HHIPL2: variants seen among roughly 807,000 people sequenced by gnomAD.
HHIPL2 encodes HHIP-like protein 2.
A neutral mutation model predicts 61.0 loss-of-function variants in HHIPL2; 61 were observed. That is an observed-to-expected ratio of 1.00 (90% CI 0.81 to 1.24). The LOEUF is 1.24. HHIPL2 is among the 50% of genes most tolerant of loss of function. HHIPL2 has a pLI of 0.00. For synonymous variants in HHIPL2, 343 were observed against 357.4 expected, an observed-to-expected ratio of 0.96 and a Z score of 0.45; for missense variants, 885 against 910.2, an observed-to-expected ratio of 0.97 and a Z score of 0.36.
chr1:222,544,174 C>T lies in HHIPL2; in HGVS notation c.337G>A (p.Ala113Thr), dbSNP rs529226554. 5 of 1,612,172 alleles carry T rather than the reference C, an allele frequency of 3.1e-6. No individual in the cohort carries two copies. The African/African-American group carries it at 5.3e-5, about 17-fold the overall frequency. The change falls in exon 2 of 9, where the codon GCA (alanine) becomes ACA (threonine). Residue 113 changes from alanine to threonine, a missense_variant. Physicochemically the swap from Ala to Thr is moderately conservative, Grantham distance 58. Coordinates refer to ENST00000343410, the MANE Select transcript of HHIPL2 (RefSeq NM_024746.4). ...TTTTCGGCGTCGTAGAGGTGGGCTG[C>T]GTAGGGCGAGCACTCCTAAAAAAGA... ...DILCQECSPY[A>T]AHLYDAENTQ...
At chr1:222,534,584 A>ATT (rs534190296) in intron 5 of HHIPL2, among the ~76,000 whole-genome samples, 1 of 147,080 alleles carries the variant, frequency 6.8e-6, no homozygotes, top group Non-Finnish European at 1.5e-5. Flanking sequence ...CTCTAAAAAA[A>ATT]AAAAAAAAAA....
intron 6 of HHIPL2, among the ~76,000 whole-genome samples, chr1:222,530,180 T>C (rs140187721): frequency 3.5e-4 from 53 of 152,120 alleles, no homozygotes; most frequent in Non-Finnish European, 5.9e-4. Context: ...TTTTTTATGC[T>C]GTCTGTTTTC....
At position 222,542,032 on chromosome 1, in the gene HHIPL2, C is replaced by T. The variant is rs1227634893; in HGVS notation, c.1098G>A (p.Leu366=). The T allele has an allele frequency of 1.2e-6, 2 of 1,612,706 alleles. No homozygotes were observed. Among genetic ancestry groups the T allele is most frequent in the Admixed American group, 1.7e-5 (1 of 59,578 alleles). The stretch of plus-strand genomic sequence containing the variant: ...CTTACTTGTTCTGAGCATTTCCAAA[C>T]AGGCCAAAGGGATCTCCAGCCTGTC... ...DGGQAGDPFG[L]FGNAQNKSSL... is the part of the protein sequence containing the mutation. The change falls in exon 3 of 9, where the codon CTG becomes CTA. Residue 366 remains leucine, a synonymous_variant. Coordinates refer to ENST00000343410, the MANE Select transcript of HHIPL2 (RefSeq NM_024746.4).
Position 222,544,113 on chromosome 1 carries a change from C to G in HHIPL2, c.398G>C (p.Cys133Ser), listed in dbSNP as rs374728664. The change falls in exon 2 of 9, where the codon TGC (cysteine) becomes TCC (serine). Residue 133 changes from cysteine to serine, a missense_variant. Coordinates refer to ENST00000343410, the MANE Select transcript of HHIPL2 (RefSeq NM_024746.4). Reference sequence around the variant, plus strand: ...ATGGAAGGCAGAGCAGTAATCAGAGCAGAGGCCCGGGAGATTCCGGAGAGG... The same window carrying G: ...ATGGAAGGCAGAGCAGTAATCAGAGGAGAGGCCCGGGAGATTCCGGAGAGG... ...QTPLRNLPGLCSDYCSAFHSN... is the reference protein window; with the variant it reads ...QTPLRNLPGLSSDYCSAFHSN... 3.7e-5 allele frequency: 59 copies of G among 1,613,950 alleles called. No homozygotes were observed. Among genetic ancestry groups the G allele is most frequent in the Non-Finnish European group, 4.3e-5 (51 of 1,180,046 alleles).
At chr1:222,529,661 T>A (rs1038246959) in intron 6 of HHIPL2, among the ~76,000 whole-genome samples, 1 of 152,216 alleles carries the variant, frequency 6.6e-6, no homozygotes, top group Non-Finnish European at 1.5e-5. Flanking sequence ...CAAAAATGCA[T>A]GCTATACAAA....
intron 3 of HHIPL2, 30 bp from the exon 4 acceptor site, chr1:222,540,371 GAGGTA>G: frequency 3.2e-6 from 5 of 1,565,842 alleles, no homozygotes; most frequent in Non-Finnish European, 4.3e-6. Context: ...GAAGCAGAAT[GAGGTA>G]AGCAAGGAAA....
intron 8 of HHIPL2, among the ~76,000 whole-genome samples, chr1:222,523,170 G>T (rs1200652679): frequency 6.6e-6 from 1 of 151,936 alleles, no homozygotes; most frequent in African/African-American, 2.4e-5. Context: ...CCCTCTAAGT[G>T]CCCTGAGCAT....
chr1:222,534,641 T>C (rs1476496491), intron 5 of HHIPL2, among the ~76,000 whole-genome samples: 2 of 143,808 alleles, frequency 1.4e-5, no homozygotes, highest in Non-Finnish European at 3.0e-5. Flanking sequence ...CCAAATCAAG[T>C]TTCTAGAGGT....
Position 222,527,010 on chromosome 1 carries a change from A to C in HHIPL2, c.1764T>G (p.Tyr588Ter), listed in dbSNP as rs372479499. 26 of 1,613,658 alleles carry C rather than the reference A, an allele frequency of 1.6e-5. No homozygotes were observed. Among genetic ancestry groups the C allele is most frequent in the Non-Finnish European group, 2.2e-5 (26 of 1,179,888 alleles). ...ACTTGTAAATAGATCCACGTGGTGC[A>C]TAGGCACTTGGGTAAGAGGTCGCCA... ...YFLATSYPSA[Y>*]APRGSIYKFV... Residue 588 changes from tyrosine to a stop codon, truncating the protein, a stop_gained, in exon 7 of 9, where the codon TAT becomes TAG. Coordinates refer to ENST00000343410, the MANE Select transcript of HHIPL2 (RefSeq NM_024746.4). LOFTEE classifies it high-confidence loss of function.
chr1:222,524,416 A>C (rs927401010), intron 7 of HHIPL2, among the ~76,000 whole-genome samples: 12 of 152,228 alleles, frequency 7.9e-5, no homozygotes, highest in African/African-American at 2.7e-4. Context: ...AAAAAAGGTA[A>C]TTGTATTTAT....
At chr1:222,530,094 A>G (rs1460104206) in intron 6 of HHIPL2, among the ~76,000 whole-genome samples, 1 of 152,098 alleles carries the variant, frequency 6.6e-6, no homozygotes, top group African/African-American at 2.4e-5. Flanking sequence ...GCTTGGGAAC[A>G]CGTTGGCAAG....
intron 5 of HHIPL2, among the ~76,000 whole-genome samples, chr1:222,534,593 A>AAT (rs1659262349): frequency 6.7e-6 from 1 of 148,344 alleles, no homozygotes; most frequent in Non-Finnish European, 1.5e-5. Context: ...AAAAAAAAAA[A>AAT]AAAAATTACA....
intron 1 of HHIPL2, among the ~76,000 whole-genome samples, chr1:222,545,150 G>A (rs1659528051): frequency 2.0e-5 from 3 of 152,288 alleles, no homozygotes; most frequent in Middle Eastern, 6.8e-3. Context: ...GATTAGGAAG[G>A]TAAGAAAGCC....
chr1:222,527,388 C>T lies in HHIPL2; in HGVS notation c.1724-338G>A, dbSNP rs190266485. On this transcript the variant is annotated intron_variant, in intron 6 of 8. Coordinates refer to ENST00000343410, the MANE Select transcript of HHIPL2 (RefSeq NM_024746.4). ...CGTGAATCTCCATTTCCTTCCCCACCTCTTTCCTCTGTGAACACTTGGATA... is the reference window on the plus strand; with the variant it reads ...CGTGAATCTCCATTTCCTTCCCCACTTCTTTCCTCTGTGAACACTTGGATA... Among the ~76,000 whole-genome samples the T allele has an allele frequency of 1.8e-4, 27 of 152,326 alleles. No homozygotes were observed. The Middle Eastern group carries it at 0.014, about 77-fold the overall frequency.
chr1:222,543,799 C>T lies in HHIPL2; in HGVS notation c.712G>A (p.Val238Ile). 1 of 1,614,134 alleles carries T rather than the reference C, an allele frequency of 6.2e-7. No individual in the cohort carries two copies. Among genetic ancestry groups the T allele is most frequent in the Non-Finnish European group, 8.5e-7 (1 of 1,180,026 alleles). Reference sequence around the variant, plus strand: ...GGGAGGTAGACCCACACCACTCCTACCTGCTCGGCAACAAAGAAGCGATGG... The same window carrying T: ...GGGAGGTAGACCCACACCACTCCTATCTGCTCGGCAACAAAGAAGCGATGG... ...GTHRFFVAEQ[V>I]GVVWVYLPDG... Residue 238 changes from valine (V) to isoleucine (I), a missense_variant, in exon 2 of 9, where the codon GTA becomes ATA. Coordinates refer to ENST00000343410, the MANE Select transcript of HHIPL2 (RefSeq NM_024746.4).
chr1:222,523,724 G>C, intron 7 of HHIPL2, 30 bp from the exon 8 acceptor site: 1 of 1,605,750 alleles, frequency 6.2e-7, no homozygotes. Context: ...GCATGAGGAC[G>C]CAAGACTCTG....
At chr1:222,523,812 G>C (rs1321273012) in intron 7 of HHIPL2, 118 bp from the exon 8 acceptor site, 14 of 867,808 alleles carry the variant, frequency 1.6e-5, no homozygotes, top group Non-Finnish European at 2.5e-5. Flanking sequence ...TTATCCATGG[G>C]GATGGGGTAG....
chr1:222,543,470 C>G, intron 2 of HHIPL2, 67 bp downstream of exon 2: 1 of 1,435,224 alleles, frequency 7.0e-7, no homozygotes, highest in Non-Finnish European at 9.5e-7. Flanking sequence ...CCTCTATTAT[C>G]TCGCAGACCT....
At chr1:222,541,660 T>C (rs1254585536) in intron 3 of HHIPL2, among the ~76,000 whole-genome samples, 1 of 152,110 alleles carries the variant, frequency 6.6e-6, no homozygotes, top group African/African-American at 2.4e-5. Context: ...TTCTCATGTG[T>C]CTCCAGGGCC....
Sources: allele counts gnomAD v4.1 joint callset (sites outside exome capture counted in the v4.1 genomes callset), GRCh38; gene constraint gnomAD v4.1.1; transcripts MANE v1.5; gene names NCBI Gene and HGNC (gene_info 2026-07-23, HGNC 2026-07-21).